The following RERE variants were observed in gnomAD, a reference collection of about 807,000 sequenced individuals.
RERE encodes the protein arginine-glutamic acid dipeptide repeats protein.
RERE carries 40 observed loss-of-function variants against 146.1 expected under a neutral mutation model. That is an observed-to-expected ratio of 0.27 (90% CI 0.21 to 0.36). RERE has a LOEUF of 0.36. RERE is among the 10% of genes least tolerant of loss of function. The pLI is 1.00. For missense variants in RERE, 1,933 were observed against 2,138.7 expected, an observed-to-expected ratio of 0.90 and a Z score of 1.90; for synonymous variants, 1,003 against 866.0, an observed-to-expected ratio of 1.16 and a Z score of -2.78.
intron 12 of RERE, among the ~76,000 whole-genome samples, chr1:8,417,608 T>C (rs962702887): frequency 6.6e-6 from 1 of 152,192 alleles, no homozygotes; most frequent in Non-Finnish European, 1.5e-5. Flanking sequence ...TCTGTCTTCC[T>C]ACAAGACTAA....
intron 1 of RERE, among the ~76,000 whole-genome samples, chr1:8,738,198 C>A (rs1640237694): frequency 6.6e-6 from 1 of 152,210 alleles, no homozygotes; most frequent in Non-Finnish European, 1.5e-5. Flanking sequence ...TCCAGCTGAG[C>A]CTTTACCTCC....
intron 1 of RERE, among the ~76,000 whole-genome samples, chr1:8,782,402 G>A (rs917599497): frequency 6.6e-6 from 1 of 151,896 alleles, no homozygotes; most frequent in Admixed American, 6.6e-5. Flanking sequence ...CCTGGACTTC[G>A]TCCTTGAACT....
chr1:8,385,676 T>G (rs1642613055), intron 12 of RERE, among the ~76,000 whole-genome samples: 2 of 151,784 alleles, frequency 1.3e-5, no homozygotes, highest in South Asian at 4.2e-4. Context: ...TTTTATTTCT[T>G]GAAGGGAAGC....
At chr1:8,436,975 A>G (rs1051299324) in intron 11 of RERE, among the ~76,000 whole-genome samples, 1 of 152,200 alleles carries the variant, frequency 6.6e-6, no homozygotes, top group Non-Finnish European at 1.5e-5. Context: ...ATACTGAAAC[A>G]TCCAAAGCAC....
At chr1:8,392,592 C>T (rs1302101971) in intron 12 of RERE, among the ~76,000 whole-genome samples, 1 of 152,164 alleles carries the variant, frequency 6.6e-6, no homozygotes, top group African/African-American at 2.4e-5. Flanking sequence ...TATCTACCCC[C>T]ACCCCTCCAT....
At chr1:8,451,407 G>A (rs955095941) in intron 11 of RERE, among the ~76,000 whole-genome samples, 2 of 151,380 alleles carry the variant, frequency 1.3e-5, no homozygotes, top group African/African-American at 4.9e-5. Flanking sequence ...ACTGCGGCCT[G>A]GGTGACAGAG....
At chr1:8,738,017 C>T (rs1224649124) in intron 1 of RERE, among the ~76,000 whole-genome samples, 1 of 152,168 alleles carries the variant, frequency 6.6e-6, no homozygotes, top group African/African-American at 2.4e-5. Flanking sequence ...AACAGCTATT[C>T]AGAAAGTGTG....
At chr1:8,499,189 C>G (rs1458404278) in intron 8 of RERE, among the ~76,000 whole-genome samples, 3 of 152,206 alleles carry the variant, frequency 2.0e-5, no homozygotes, top group Admixed American at 2.0e-4. Context: ...GCACATGAGT[C>G]TGATAGAGCT....
At chr1:8,568,491 G>A (rs1004853727) in intron 4 of RERE, among the ~76,000 whole-genome samples, 1 of 152,202 alleles carries the variant, frequency 6.6e-6, no homozygotes, top group African/African-American at 2.4e-5. Context: ...AGATCACAAG[G>A]AGCCTGATAA....
chr1:8,379,205 G>T (rs1157339451), intron 12 of RERE, among the ~76,000 whole-genome samples: 2 of 152,090 alleles, frequency 1.3e-5, no homozygotes, highest in Non-Finnish European at 2.9e-5. Flanking sequence ...CACAAAGGAA[G>T]AACCCTCCAG....
intron 1 of RERE, among the ~76,000 whole-genome samples, chr1:8,679,419 A>C (rs1303823313): frequency 6.6e-6 from 1 of 152,174 alleles, no homozygotes; most frequent in East Asian, 1.9e-4. Flanking sequence ...TATCATAGTC[A>C]CATCTGCCAA....
chr1:8,580,574 A>C (rs923978533), intron 4 of RERE, among the ~76,000 whole-genome samples: 1 of 152,226 alleles, frequency 6.6e-6, no homozygotes, highest in African/African-American at 2.4e-5. Context: ...TTTACATGTG[A>C]AATGCAGAGA....
chr1:8,715,031 G>A (rs552539689), intron 1 of RERE, among the ~76,000 whole-genome samples: 371 of 151,682 alleles, frequency 2.4e-3, no homozygotes, highest in Non-Finnish European at 4.1e-3. Context: ...GCGCTACCAC[G>A]CCTGGCTAAT....
intron 1 of RERE, chr1:8,786,680 G>A: frequency 1.3e-6 from 1 of 786,148 alleles, no homozygotes; most frequent in Non-Finnish European, 2.3e-6. Context: ...GCCAATTTGG[G>A]TTCTGCAGGT....
intron 10 of RERE, among the ~76,000 whole-genome samples, chr1:8,466,508 A>C (rs1644599400): frequency 6.6e-6 from 1 of 152,054 alleles, no homozygotes; most frequent in African/African-American, 2.4e-5. Flanking sequence ...CAAGACTCCA[A>C]CCCAGCCAGG....
chr1:8,592,050 A>G (rs1279822366), intron 4 of RERE, among the ~76,000 whole-genome samples: 1 of 152,248 alleles, frequency 6.6e-6, no homozygotes, highest in East Asian at 1.9e-4. Flanking sequence ...GCTAATGTGA[A>G]GTAGTACCTT....
chr1:8,450,407 C>T (rs1644376941), intron 11 of RERE, among the ~76,000 whole-genome samples: 1 of 151,920 alleles, frequency 6.6e-6, no homozygotes, highest in African/African-American at 2.4e-5. Context: ...GCTCACCTCC[C>T]TCTCCATGGG....
chr1:8,539,605 CA>C (rs956369344), intron 7 of RERE, among the ~76,000 whole-genome samples: 5 of 152,254 alleles, frequency 3.3e-5, no homozygotes, highest in Admixed American at 2.6e-4. Context: ...AGGGTTTCAC[CA>C]CGTTGGCCAG....
In RERE at chr1:8,356,235, G is replaced by A; in HGVS notation, c.4351C>T (p.Pro1451Ser). Residue 1451 changes from proline to serine, a missense_variant, in exon 21 of 23, where the codon CCC becomes TCC. Pro to Ser is a moderately conservative substitution (Grantham distance 74, BLOSUM62 -1). Around this residue, in one of 11 missense-constraint regions of RERE, gnomAD observed 133 missense variants for 168.6 expected, o/e 0.79. Coordinates refer to ENST00000400908, the MANE Select transcript of RERE (RefSeq NM_001042681.2). The surrounding 1 kb of genome is among the most constrained non-coding windows in gnomAD (Gnocchi z 5.2). ...AGGGGGTCGACCAGCGGGTGAACGG[G>A]GCCTGCTGAACCTAAGGAAAGGACA... ...QDPLHQGSAG[P>S]VHPLVDPLTA... 6.6e-7 allele frequency: 1 copy of A among 1,523,716 alleles called. No homozygotes were observed. The highest frequency in any genetic ancestry group is 8.7e-7 in the Non-Finnish European group (1 of 1,147,366). The allele number at this position is 1,523,716 out of a possible 1,614,324, so 94.4% of individuals were successfully genotyped here. A position where few individuals can be genotyped will look rare whatever the true frequency, so the allele number is the denominator to read the frequency against.
Sources: allele counts gnomAD v4.1 joint callset (sites outside exome capture counted in the v4.1 genomes callset), GRCh38; gene constraint gnomAD v4.1.1; regional missense constraint gnomAD v4.1.1; non-coding constraint Gnocchi (gnomAD v3.1); transcripts MANE v1.5; gene names NCBI Gene and HGNC (gene_info 2026-07-23, HGNC 2026-07-21).